PRPF3: variants seen among roughly 807,000 people sequenced by gnomAD.
PRPF3 encodes U4/U6 small nuclear ribonucleoprotein Prp3.
Under a neutral mutation model 89.2 loss-of-function variants are expected in PRPF3, and 3 were observed. That is an observed-to-expected ratio of 0.03 (90% CI 0.02 to 0.09). The LOEUF (loss-of-function observed/expected upper bound fraction) is 0.09. Among genes scored for constraint, PRPF3 ranks in the 10% least tolerant of loss-of-function variants. The probability of loss-of-function intolerance (pLI) is 1.00; values close to 1 mark genes in which losing one functional copy is unlikely to be tolerated. For missense variants in PRPF3, 463 were observed against 828.8 expected (o/e 0.56, Z 5.42); for synonymous variants, 270 against 289.1 (o/e 0.93, Z 0.67).
chr1:150,338,495 G>GTT, intron 8 of PRPF3, among the ~76,000 whole-genome samples, 169 bp downstream of exon 8: 1 of 35,764 alleles, frequency 2.8e-5, no homozygotes, highest in African/African-American at 9.2e-5. Flanking sequence ...ACAAGGTCCT[G>GTT]TTATTTTTTT....
chr1:150,353,166 T>A lies in PRPF3; in HGVS notation c.*187T>A, dbSNP rs1329907344. 3 of 680,086 alleles carry A rather than the reference T, an allele frequency of 4.4e-6. No homozygotes were observed. The highest frequency in any genetic ancestry group is 7.8e-6 in the Non-Finnish European group (3 of 384,680). 42.1% of individuals were successfully genotyped at this position (680,086 alleles called of 1,614,324 possible). On this transcript the variant is annotated 3_prime_UTR_variant, in exon 16 of 16. Coordinates refer to ENST00000324862, the MANE Select transcript of PRPF3 (RefSeq NM_004698.4). ...CTGGTGTTGCCCTTTATTCCCCTTATGTGCATATGATTAAAGAGTTATTTT... is the reference window on the plus strand; with the variant it reads ...CTGGTGTTGCCCTTTATTCCCCTTAAGTGCATATGATTAAAGAGTTATTTT...
At chr1:150,328,250 G>T (rs1477815257) in intron 3 of PRPF3, 70 bp from the exon 4 acceptor site, 10 of 1,583,362 alleles carry the variant, frequency 6.3e-6, no homozygotes, top group Non-Finnish European at 8.7e-6. Context: ...TGCTGGTAGG[G>T]GCTAGGATAA....
Position 150,345,798 on chromosome 1 carries a change from A to G in PRPF3, c.1641-220A>G, listed in dbSNP as rs1431695077. Reference sequence around the variant, plus strand: ...TAGAGTAAACTTTGGTTAGTAATGTAATGGTTAATGTAAAGTGCTAGACTT... The same window carrying G: ...TAGAGTAAACTTTGGTTAGTAATGTGATGGTTAATGTAAAGTGCTAGACTT... On this transcript the variant is annotated intron_variant, in intron 12 of 15. Coordinates refer to ENST00000324862, the MANE Select transcript of PRPF3 (RefSeq NM_004698.4). The G allele has an allele frequency of 1.9e-5, 11 of 565,450 alleles. No individual in the cohort carries two copies. In the African/African-American group the frequency reaches 2.1e-4, roughly 11 times the overall value. The allele number at this position is 565,450 out of a possible 1,614,324, so 35.0% of individuals were successfully genotyped here. A position where few individuals can be genotyped will look rare whatever the true frequency, so the allele number is the denominator to read the frequency against.
At chr1:150,332,586 A>T in intron 4 of PRPF3, 98 bp from the exon 5 acceptor site, 2 of 1,145,888 alleles carry the variant, frequency 1.7e-6, no homozygotes, top group Non-Finnish European at 1.3e-6. Flanking sequence ...AAAACATTTT[A>T]AGTGTCTAGA....
At chr1:150,346,382 G>A (rs1385316574) in intron 13 of PRPF3, 26 bp from the exon 14 acceptor site, 3 of 1,601,848 alleles carry the variant, frequency 1.9e-6, no homozygotes, top group East Asian at 2.2e-5. Flanking sequence ...CACAGTTCTG[G>A]CAAAATTATT....
At chr1:150,351,214 G>A (rs1461365070) in intron 15 of PRPF3, among the ~76,000 whole-genome samples, 6 of 152,070 alleles carry the variant, frequency 3.9e-5, no homozygotes, top group South Asian at 2.1e-4. Context: ...GCAGTGAGCC[G>A]AGATCGCACC....
At chr1:150,327,615 C>T (rs1655873383) in intron 3 of PRPF3, 2 of 985,868 alleles carry the variant, frequency 2.0e-6, no homozygotes, top group Non-Finnish European at 2.4e-6. Context: ...CACGAGCCCT[C>T]CTAGTGAAGA....
chr1:150,346,775 A>C (rs1572275334), intron 14 of PRPF3, among the ~76,000 whole-genome samples: 1 of 152,126 alleles, frequency 6.6e-6, no homozygotes, highest in East Asian at 1.9e-4. Flanking sequence ...GGTTACATGA[A>C]TTTATTCAGT....
At chr1:150,338,354 A>G in intron 8 of PRPF3, 28 bp downstream of exon 8, 1 of 1,608,320 alleles carries the variant, frequency 6.2e-7, no homozygotes, top group Non-Finnish European at 8.5e-7. Context: ...CCTTTTTAAA[A>G]AAACAGTTTT....
rs1553866860 is a variant in PRPF3 at position 150,335,020 on chromosome 1, A to G, written c.814A>G (p.Ile272Val). The change falls in exon 7 of 16, where the codon ATT (isoleucine) becomes GTT (valine). Residue 272 changes from isoleucine to valine, a missense_variant. Ile to Val is a conservative substitution (Grantham distance 29, BLOSUM62 3). Coordinates refer to ENST00000324862, the MANE Select transcript of PRPF3 (RefSeq NM_004698.4). ...CACTGTAGATGCAACAGGCAAGGAG[A>G]TTGAGCTGACACACCGCATGCCTAC... Reference protein sequence around the residue: ...GRTVDATGKEIELTHRMPTLK... With the variant: ...GRTVDATGKEVELTHRMPTLK... The G allele has an allele frequency of 6.2e-7, 1 of 1,614,106 alleles. No individual in the cohort carries two copies. Among genetic ancestry groups the G allele is most frequent in the Admixed American group, 1.7e-5 (1 of 59,992 alleles).
intron 4 of PRPF3, among the ~76,000 whole-genome samples, chr1:150,331,645 G>C (rs1041325979): frequency 1.8e-4 from 28 of 152,256 alleles, no homozygotes; most frequent in Non-Finnish European, 3.5e-4. Context: ...GATTACAGGC[G>C]TGAGCCACCA....
chr1:150,321,663 G>A (rs1310696661), intron 1 of PRPF3, 71 bp downstream of exon 1: 1 of 152,846 alleles, frequency 6.5e-6, no homozygotes, highest in Non-Finnish European at 1.5e-5. Flanking sequence ...CTCAGTCCAA[G>A]GGGAGGACCG....
chr1:150,340,562 T>C, intron 9 of PRPF3, 85 bp downstream of exon 9: 1 of 1,046,132 alleles, frequency 9.6e-7, no homozygotes, highest in Non-Finnish European at 1.5e-6. Context: ...TCTGTATCTA[T>C]GCTGTTCAAT....
chr1:150,335,763 C>CTT (rs34699046), intron 7 of PRPF3, among the ~76,000 whole-genome samples: 125,064 of 142,400 alleles, frequency 0.88, 55,118 homozygotes, highest in East Asian at 0.99. Context: ...CCGCCCCCGC[C>CTT]TTTTTTTTTT....
chr1:150,341,400 A>ATT (rs1169772517), intron 9 of PRPF3, among the ~76,000 whole-genome samples: 28,485 of 101,648 alleles, frequency 0.28, 4,689 homozygotes, highest in South Asian at 0.4. Context: ...AGTTGCTTCT[A>ATT]TTTTTTTTTT....
intron 15 of PRPF3, among the ~76,000 whole-genome samples, chr1:150,351,368 TA>T (rs142666943): frequency 6.6e-6 from 1 of 151,090 alleles, no homozygotes; most frequent in Non-Finnish European, 1.5e-5. Context: ...AAATAAAAAT[TA>T]AAAAAAAAGG....
intron 14 of PRPF3, among the ~76,000 whole-genome samples, chr1:150,348,272 C>T (rs28495360): frequency 0.11 from 16,841 of 151,556 alleles, 1,306 homozygotes; most frequent in African/African-American, 0.2. Context: ...CCCAGCTACT[C>T]GGGAGGCCTA....
At chr1:150,342,391 A>G (rs1553871491) in intron 9 of PRPF3, among the ~76,000 whole-genome samples, 1 of 152,126 alleles carries the variant, frequency 6.6e-6, no homozygotes, top group African/African-American at 2.4e-5. Flanking sequence ...ACAAAAGGAA[A>G]GATAAGAATG....
rs1435514072 is a variant in PRPF3, at chr1:150,334,169, G to A, written c.729-766G>A. ...AATATACAAAAATTAGCCAGGCATG[G>A]TAGAGCATGCGTGTAGTTCCAGCTA... On this transcript the variant is annotated intron_variant, in intron 6 of 15. Transcript: ENST00000324862. Among the ~76,000 whole-genome samples, 3 of 152,046 alleles carry A rather than the reference G, an allele frequency of 2.0e-5. 1 individual carries two copies. Among genetic ancestry groups the A allele is most frequent in the Non-Finnish European group, 4.4e-5 (3 of 68,018 alleles).
Sources: gnomAD v4.1 joint callset for allele counts (sites outside exome capture counted in the v4.1 genomes callset) on GRCh38, gnomAD v4.1.1 for gene constraint, MANE v1.5 for transcripts, NCBI Gene and HGNC (gene_info 2026-07-23, HGNC 2026-07-21) for gene names.